Variants in FCHO1 observed in about 807,000 individuals in gnomAD.
FCHO1 encodes the protein FCH and mu domain containing endocytic adaptor 1.
A neutral mutation model predicts 114.4 loss-of-function variants in FCHO1; 45 were observed. The observed-to-expected ratio is 0.39, with a 90% confidence interval of 0.31 to 0.50. FCHO1 has a LOEUF of 0.50. FCHO1 is among the 20% of genes least tolerant of loss of function. The pLI is 0.77. For synonymous variants in FCHO1, 480 were observed against 488.9 expected, an observed-to-expected ratio of 0.98 and a Z score of 0.24; for missense variants, 1,042 against 1,209.6, an observed-to-expected ratio of 0.86 and a Z score of 2.06.
intron 5 of FCHO1, 61 bp downstream of exon 5, chr19:17,762,914 C>A: frequency 8.8e-7 from 1 of 1,142,372 alleles, no homozygotes; most frequent in South Asian, 1.2e-5. Context: ...TCACGCCCAC[C>A]TAATGGCTAC....
chr19:17,784,993 GC>G lies in FCHO1; in HGVS notation c.2426+70del. On this transcript the variant is annotated intron_variant, in intron 26 of 28. Coordinates refer to ENST00000596536, the MANE Select transcript of FCHO1 (RefSeq NM_015122.3). This position sits in a 1 kb window ranked among gnomAD's most constrained non-coding sequence, Gnocchi z 5.3. ...CATAACCCCAGACCTTCTCCCTGAT[GC>G]ATTGATTAAAGGGTGCACCCTCGGC... The G allele has an allele frequency of 6.7e-7, 1 of 1,491,428 alleles. No individual in the cohort carries two copies. 92.4% of individuals were successfully genotyped at this position (1,491,428 alleles called of 1,614,324 possible).
chr19:17,774,944 C>G (rs1485314780), intron 13 of FCHO1, 112 bp from the exon 14 acceptor site: 1 of 1,201,480 alleles, frequency 8.3e-7, no homozygotes, highest in Admixed American at 1.8e-5. Flanking sequence ...TAGCTCAGGG[C>G]AGTATCACAG....
rs1302524694 is a variant in FCHO1, at chr19:17,775,730, G to A, written c.1003+217G>A. Among the ~76,000 whole-genome samples, 2 of 151,952 alleles carry A rather than the reference G, an allele frequency of 1.3e-5. No homozygotes were observed. Among genetic ancestry groups the A allele is most frequent in the African/African-American group, 4.8e-5 (2 of 41,352 alleles). The stretch of plus-strand genomic sequence containing the variant: ...GATCTAGCAGGGCTTCCTGGAGGAG[G>A]GGGCACCAGTGTTGGGGTTTTGCAG... On this transcript the variant is annotated intron_variant, in intron 15 of 28. Coordinates refer to ENST00000596536, the MANE Select transcript of FCHO1 (RefSeq NM_015122.3). This position sits in a 1 kb window ranked among gnomAD's most constrained non-coding sequence, Gnocchi z 5.1.
At position 17,755,148 on chromosome 19, in the gene FCHO1, C is replaced by A. The variant is rs1318140229; in HGVS notation, c.-17C>A. 2 of 1,613,226 alleles carry A rather than the reference C, an allele frequency of 1.2e-6. No individual in the cohort carries two copies. Among genetic ancestry groups the A allele is most frequent in the South Asian group, 1.1e-5 (1 of 91,004 alleles). On this transcript the variant is annotated 5_prime_UTR_variant, in exon 4 of 29. Coordinates refer to ENST00000596536, the MANE Select transcript of FCHO1 (RefSeq NM_015122.3). ...CACTGGACGGGGCCTGCAGGGGTCT[C>A]CACAGAGACCATCAGGATGTCGTAT...
intron 4 of FCHO1, among the ~76,000 whole-genome samples, chr19:17,759,252 T>C (rs2085103957): frequency 1.3e-5 from 2 of 148,552 alleles, no homozygotes; most frequent in Non-Finnish European, 1.5e-5. Flanking sequence ...AGACAGAGTC[T>C]TGCTCTGTCA....
rs539351719 is a variant in FCHO1, at chr19:17,762,569, T to C, written c.28-193T>C. ...ACAAAAAGAAAATCCCAGGCTTCTCTCTGATTGGACAAATTTAAGGTCCAT... is the reference window on the plus strand; with the variant it reads ...ACAAAAAGAAAATCCCAGGCTTCTCCCTGATTGGACAAATTTAAGGTCCAT... On this transcript the variant is annotated intron_variant, in intron 4 of 28. Transcript: ENST00000596536. The C allele has an allele frequency of 6.9e-5, 40 of 582,844 alleles. No homozygotes were observed. The East Asian group carries it at 9.6e-4, about 14-fold the overall frequency. 36.1% of individuals were successfully genotyped at this position (582,844 alleles called of 1,614,324 possible). A position where few individuals can be genotyped will look rare whatever the true frequency, so the allele number is the denominator to read the frequency against.
intron 5 of FCHO1, among the ~76,000 whole-genome samples, chr19:17,763,747 G>A (rs1000923367): frequency 6.6e-6 from 1 of 151,544 alleles, no homozygotes; most frequent in African/African-American, 2.4e-5. Context: ...TTTTTTTGTA[G>A]AGAAGGAGTC....
chr19:17,759,670 C>T (rs946703954), intron 4 of FCHO1, among the ~76,000 whole-genome samples: 5 of 151,912 alleles, frequency 3.3e-5, no homozygotes, highest in Admixed American at 6.6e-5. Flanking sequence ...TGGTGGTTCA[C>T]GCCTGTAATC....
chr19:17,781,413 TG>T, intron 21 of FCHO1, 38 bp from the exon 22 acceptor site: 1 of 1,612,184 alleles, frequency 6.2e-7, no homozygotes, highest in Non-Finnish European at 8.5e-7. Context: ...GCACTGGTCC[TG>T]GGGCACTCAC....
intron 20 of FCHO1, among the ~76,000 whole-genome samples, chr19:17,779,751 G>A (rs1233887897): frequency 2.1e-5 from 3 of 143,766 alleles, no homozygotes; most frequent in South Asian, 4.8e-4. Flanking sequence ...GGAAGGGGTG[G>A]AGTCAGGGAG....
At chr19:17,766,924 C>A in intron 7 of FCHO1, 114 bp downstream of exon 7, 1 of 1,146,548 alleles carries the variant, frequency 8.7e-7, no homozygotes, top group Non-Finnish European at 1.2e-6. Context: ...CCGAGAATTC[C>A]GTTAATTCCA....
At chr19:17,766,112 A>G (rs897565172) in intron 6 of FCHO1, among the ~76,000 whole-genome samples, 3 of 150,546 alleles carry the variant, frequency 2.0e-5, no homozygotes, top group Non-Finnish European at 4.4e-5. Flanking sequence ...ATGCTCTCTC[A>G]ATCTCCTGAC....
intron 7 of FCHO1, among the ~76,000 whole-genome samples, chr19:17,767,874 A>G (rs1481743847): frequency 3.9e-5 from 6 of 152,212 alleles, no homozygotes; most frequent in Admixed American, 3.9e-4. Flanking sequence ...TGGAAGTTAC[A>G]GATATTCATA....
chr19:17,781,083 C>A (rs1203826282), intron 20 of FCHO1, 148 bp from the exon 21 acceptor site: 1 of 624,510 alleles, frequency 1.6e-6, no homozygotes, highest in Non-Finnish European at 2.8e-6. Flanking sequence ...CTGTCTGGCA[C>A]CTTTTCTGCA....
chr19:17,750,611 A>G (rs1357393929), upstream of FCHO1, among the ~76,000 whole-genome samples: 1 of 151,260 alleles, frequency 6.6e-6, no homozygotes, highest in African/African-American at 2.4e-5. Flanking sequence ...GGCATATGCC[A>G]CCCCACCCAG....
intron 5 of FCHO1, 91 bp from the exon 6 acceptor site, chr19:17,764,283 CG>C: frequency 7.7e-7 from 1 of 1,298,804 alleles, no homozygotes; most frequent in East Asian, 2.4e-5. Context: ...TCAGGTGATC[CG>C]TCCGCCTCGG....
chr19:17,776,323 A>G lies in FCHO1; in HGVS notation c.1207+52A>G, dbSNP rs748807422. The G allele has an allele frequency of 6.8e-6, 11 of 1,610,922 alleles. No individual in the cohort carries two copies. Among genetic ancestry groups the G allele is most frequent in the Non-Finnish European group, 9.3e-6 (11 of 1,177,114 alleles). ...GGGAGGATCCTAAGGAAGGGAGGCT[A>G]TGGGTTTGGGCTTGAATCATAACTC... On this transcript the variant is annotated intron_variant, in intron 17 of 28. Coordinates refer to ENST00000596536, the MANE Select transcript of FCHO1 (RefSeq NM_015122.3). This position sits in a 1 kb window ranked among gnomAD's most constrained non-coding sequence, Gnocchi z 4.4.
Position 17,776,830 on chromosome 19 carries a change from G to C in FCHO1, c.1259+144G>C. 1.3e-6 allele frequency: 1 copy of C among 758,752 alleles called. No homozygotes were observed. The highest frequency in any genetic ancestry group is 2.1e-6 in the Non-Finnish European group (1 of 465,208). The allele number at this position is 758,752 out of a possible 1,614,324, so 47.0% of individuals were successfully genotyped here. ...TTGTTTTTGTTTTTGTTTTGAGACA[G>C]AGTCTCACTCTGTCACCCAGGCTGG... On this transcript the variant is annotated intron_variant, in intron 18 of 28. Transcript: ENST00000596536. The surrounding 1 kb of genome is among the most constrained non-coding windows in gnomAD (Gnocchi z 4.4).
chr19:17,771,359 A>T (rs1318875779), intron 9 of FCHO1, among the ~76,000 whole-genome samples: 1 of 131,362 alleles, frequency 7.6e-6, no homozygotes, highest in Non-Finnish European at 1.7e-5. Context: ...AGGTGTATAT[A>T]AAAAAAAAAA....
Sources: allele counts gnomAD v4.1 joint callset (sites outside exome capture counted in the v4.1 genomes callset), GRCh38; gene constraint gnomAD v4.1.1; non-coding constraint Gnocchi (gnomAD v3.1); transcripts MANE v1.5; gene names NCBI Gene and HGNC (gene_info 2026-07-23, HGNC 2026-07-21).